The following ASTN2 variants were observed in gnomAD, a reference collection of about 807,000 sequenced individuals.
The protein encoded by ASTN2 is astrotactin-2.
A neutral mutation model predicts 139.8 loss-of-function variants in ASTN2; 54 were observed. The observed-to-expected ratio is 0.39, with a 90% CI of 0.31 to 0.48. The LOEUF (loss-of-function observed/expected upper bound fraction) is 0.48, where lower values mean the gene tolerates loss of function less well. Among genes scored for constraint, ASTN2 ranks in the 20% least tolerant of loss-of-function variants. The pLI, the probability that ASTN2 is intolerant of heterozygous loss-of-function variation, is 0.95. For missense variants in ASTN2, 1,565 were observed against 1,725.1 expected, an observed-to-expected ratio of 0.91 and a Z score of 1.64; for synonymous variants, 756 against 719.5, an observed-to-expected ratio of 1.05 and a Z score of -0.81.
chr9:117,407,835 T>C (rs10759920), intron 1 of ASTN2, among the ~76,000 whole-genome samples: 1 of 151,792 alleles, frequency 6.6e-6, no homozygotes, highest in Admixed American at 6.5e-5. Flanking sequence ...TCTCTCTCTC[T>C]CACTATAGTT....
chr9:116,618,146 T>C (rs745586314), intron 19 of ASTN2, among the ~76,000 whole-genome samples, 178 bp downstream of exon 19: 11 of 152,184 alleles, frequency 7.2e-5, no homozygotes, highest in Non-Finnish European at 1.6e-4. Context: ...TTGCTATCTT[T>C]CCTTGATCAA....
At chr9:116,521,247 A>G (rs1850858894) in intron 19 of ASTN2, among the ~76,000 whole-genome samples, 1 of 152,154 alleles carries the variant, frequency 6.6e-6, no homozygotes, top group South Asian at 2.1e-4. Flanking sequence ...ACTTCAAACT[A>G]TACTATAAGG....
intron 3 of ASTN2, among the ~76,000 whole-genome samples, chr9:117,179,773 G>C (rs1429537798): frequency 6.6e-6 from 1 of 152,144 alleles, no homozygotes; most frequent in African/African-American, 2.4e-5. Flanking sequence ...CCCCACTGCA[G>C]ATCTGTCATT....
chr9:116,535,476 G>T (rs1332247478), intron 19 of ASTN2, among the ~76,000 whole-genome samples: 1 of 152,038 alleles, frequency 6.6e-6, no homozygotes, highest in Non-Finnish European at 1.5e-5. Context: ...TTGCAATTTG[G>T]CGTGTTTTTG....
intron 17 of ASTN2, among the ~76,000 whole-genome samples, chr9:116,631,942 C>T (rs890304927): frequency 4.0e-5 from 6 of 151,750 alleles, no homozygotes; most frequent in Admixed American, 6.6e-5. Context: ...AGTGAAACCC[C>T]GTCTCTACTA....
intron 10 of ASTN2, among the ~76,000 whole-genome samples, chr9:116,881,322 A>G (rs1382943646): frequency 6.6e-6 from 1 of 152,220 alleles, no homozygotes; most frequent in African/African-American, 2.4e-5. Context: ...TAAAAGTCCT[A>G]TAATTTCCTA....
chr9:116,939,553 T>G (rs1337410535), intron 10 of ASTN2, among the ~76,000 whole-genome samples: 1 of 152,180 alleles, frequency 6.6e-6, no homozygotes, highest in Non-Finnish European at 1.5e-5. Flanking sequence ...AAGATTTAGC[T>G]GACTGTATTT....
intron 16 of ASTN2, among the ~76,000 whole-genome samples, chr9:116,725,568 G>C (rs973798006): frequency 2.0e-5 from 3 of 152,138 alleles, no homozygotes; most frequent in African/African-American, 7.2e-5. Flanking sequence ...TGACTTGAGA[G>C]AATCCTGCAA....
intron 10 of ASTN2, among the ~76,000 whole-genome samples, chr9:116,971,678 C>G (rs1928984): frequency 0.28 from 42,649 of 152,114 alleles, 6,264 homozygotes; most frequent in Admixed American, 0.37. Flanking sequence ...TCGTCTTTAG[C>G]CTTTCAGCGA....
intron 3 of ASTN2, among the ~76,000 whole-genome samples, chr9:117,148,078 C>T (rs1034691968): frequency 6.6e-6 from 1 of 152,164 alleles, no homozygotes; most frequent in Non-Finnish European, 1.5e-5. Context: ...CAAGACTGTC[C>T]ACCATGGAGG....
chr9:116,878,663 A>G (rs1833367234), intron 10 of ASTN2, among the ~76,000 whole-genome samples: 1 of 152,140 alleles, frequency 6.6e-6, no homozygotes, highest in East Asian at 1.9e-4. Context: ...TTACCTATGC[A>G]ACAAACCTGC....
chr9:116,936,072 C>CAACCAT, intron 10 of ASTN2, among the ~76,000 whole-genome samples: 1 of 1,586 alleles, frequency 6.3e-4, no homozygotes, highest in Non-Finnish European at 1.3e-3. Context: ...AACATCATCA[C>CAACCAT]CACCATCACC....
At chr9:117,311,492 A>G (rs1257775474) in intron 1 of ASTN2, among the ~76,000 whole-genome samples, 1 of 152,152 alleles carries the variant, frequency 6.6e-6, no homozygotes, top group Non-Finnish European at 1.5e-5. Flanking sequence ...AGAAGGGAGC[A>G]TAGCCCATCC....
chr9:117,016,624 C>T (rs12376774), intron 6 of ASTN2, among the ~76,000 whole-genome samples: 14 of 20,000 alleles, frequency 7.0e-4, no homozygotes, highest in African/African-American at 2.9e-3. Context: ...ATCTATCTAT[C>T]TATATATATA....
At chr9:117,057,747 C>T (rs1293842027) in intron 5 of ASTN2, among the ~76,000 whole-genome samples, 1 of 152,106 alleles carries the variant, frequency 6.6e-6, no homozygotes, top group Non-Finnish European at 1.5e-5. Context: ...CTTGGTTTTC[C>T]AGTAGTCAGC....
chr9:116,688,221 AAT>A (rs1860372127), intron 16 of ASTN2, among the ~76,000 whole-genome samples: 1 of 152,074 alleles, frequency 6.6e-6, no homozygotes, highest in African/African-American at 2.4e-5. Context: ...CGAGGGTTGC[AAT>A]ATACAGCCCC....
At chr9:116,536,749 G>T (rs1851647678) in intron 19 of ASTN2, among the ~76,000 whole-genome samples, 1 of 152,204 alleles carries the variant, frequency 6.6e-6, no homozygotes, top group South Asian at 2.1e-4. Context: ...AGCTGTGTGA[G>T]GTGTCAGTCT....
chr9:116,633,992 A>T (rs905996069), intron 17 of ASTN2, among the ~76,000 whole-genome samples: 1 of 152,152 alleles, frequency 6.6e-6, no homozygotes, highest in East Asian at 1.9e-4. Flanking sequence ...GTTACACGTG[A>T]CGGAGGGATG....
chr9:116,985,860 T>C (rs1836663354), intron 7 of ASTN2, among the ~76,000 whole-genome samples: 1 of 152,100 alleles, frequency 6.6e-6, no homozygotes, highest in African/African-American at 2.4e-5. Context: ...GCTTCTCAGA[T>C]GCACCAGGAA....
Sources: allele counts gnomAD v4.1 joint callset (sites outside exome capture counted in the v4.1 genomes callset), GRCh38; gene constraint gnomAD v4.1.1; transcripts MANE v1.5; gene names NCBI Gene and HGNC (gene_info 2026-07-23, HGNC 2026-07-21).